Variants in LINGO2 observed in about 807,000 individuals in gnomAD.
LINGO2 encodes leucine-rich repeat and immunoglobulin-like domain-containing nogo receptor-interacting protein 2.
A neutral mutation model predicts 30.6 loss-of-function variants in LINGO2; 14 were observed. The ratio of observed to expected loss-of-function variants is 0.46; its 90% CI spans 0.30 to 0.72. The LOEUF is 0.72. Among genes scored for constraint, LINGO2 ranks in the 30% least tolerant of loss-of-function variants. The probability of loss-of-function intolerance (pLI) is 0.07; values close to 1 mark genes in which losing one functional copy is unlikely to be tolerated. For missense variants in LINGO2, 729 were observed against 751.7 expected, an observed-to-expected ratio of 0.97 and a Z score of 0.35; for synonymous variants, 317 against 288.5, an observed-to-expected ratio of 1.10 and a Z score of -1.00.
chr9:29,030,708 G>T, the LINGO2 span, among the ~76,000 whole-genome samples: 1 of 152,106 alleles, frequency 6.6e-6, no homozygotes, highest in Non-Finnish European at 1.5e-5. Flanking sequence ...ACTCAGAGAA[G>T]TATCTACAGG....
the LINGO2 span, among the ~76,000 whole-genome samples, chr9:28,745,784 C>T: frequency 6.6e-6 from 1 of 151,900 alleles, no homozygotes; most frequent in Non-Finnish European, 1.5e-5. Context: ...GAGAATATGG[C>T]TTCAAATACA....
intron 4 of LINGO2, among the ~76,000 whole-genome samples, chr9:28,159,029 C>CA (rs1828214083): frequency 6.6e-6 from 1 of 152,112 alleles, no homozygotes; most frequent in Non-Finnish European, 1.5e-5. Context: ...GACCTGTATA[C>CA]AAAAAGGCTA....
the LINGO2 span, among the ~76,000 whole-genome samples, chr9:29,147,264 A>G: frequency 2.6e-5 from 4 of 152,178 alleles, no homozygotes; most frequent in Admixed American, 6.5e-5. Context: ...AGACCTTTGG[A>G]TATAATAAAT....
At chr9:28,059,251 T>G (rs560333055) in intron 4 of LINGO2, among the ~76,000 whole-genome samples, 2 of 152,140 alleles carry the variant, frequency 1.3e-5, no homozygotes, top group Non-Finnish European at 2.9e-5. Flanking sequence ...TGCCTACCCT[T>G]TTGACCTCCA....
At chr9:28,066,774 T>C (rs1261189360) in intron 4 of LINGO2, among the ~76,000 whole-genome samples, 2 of 152,090 alleles carry the variant, frequency 1.3e-5, no homozygotes, top group African/African-American at 4.8e-5. Context: ...TTGCTTTAAA[T>C]TCCTGGGAGA....
rs114514506 is a variant in LINGO2, at chr9:28,507,328, C to T, written c.-364-31303G>A. On this transcript the variant is annotated intron_variant, in intron 1 of 5. Transcript: ENST00000379992. The stretch of plus-strand genomic sequence containing the variant: ...TTATATCCTTCAAGAGAAAAAGATA[C>T]TTTGCTCAGTCTTTTGTTAGAACCA... Among the ~76,000 whole-genome samples the T allele has an allele frequency of 2.3e-3, 353 of 152,116 alleles. 3 individuals carry two copies. Among genetic ancestry groups the T allele is most frequent in the African/African-American group, 7.5e-3 (312 of 41,514 alleles).
chr9:28,177,752 C>T (rs895734355), intron 4 of LINGO2, among the ~76,000 whole-genome samples: 18 of 152,186 alleles, frequency 1.2e-4, no homozygotes, highest in African/African-American at 4.3e-4. Flanking sequence ...TCTTGCTGGC[C>T]ATTTCCTCTC....
intron 5 of LINGO2, among the ~76,000 whole-genome samples, chr9:27,955,568 T>C (rs1374132002): frequency 6.6e-6 from 1 of 152,204 alleles, no homozygotes; most frequent in Non-Finnish European, 1.5e-5. Context: ...ATATAATATA[T>C]ACTCTTATGT....
At chr9:28,513,845 T>C (rs1820513937) in intron 1 of LINGO2, among the ~76,000 whole-genome samples, 1 of 152,220 alleles carries the variant, frequency 6.6e-6, no homozygotes, top group East Asian at 1.9e-4. Context: ...TATAGTAAAA[T>C]TGATAGAGGT....
At chr9:28,322,057 T>G (rs1472281142) in intron 3 of LINGO2, among the ~76,000 whole-genome samples, 7 of 152,220 alleles carry the variant, frequency 4.6e-5, no homozygotes, top group Admixed American at 4.6e-4. Flanking sequence ...TTACCTCAGC[T>G]TACTAAGCTT....
chr9:28,635,337 G>C (rs1199801783), intron 1 of LINGO2, among the ~76,000 whole-genome samples: 1 of 152,140 alleles, frequency 6.6e-6, no homozygotes, highest in Non-Finnish European at 1.5e-5. Context: ...GTGATATTAA[G>C]AAGTTGCCCT....
the LINGO2 span, among the ~76,000 whole-genome samples, chr9:29,151,304 A>C: frequency 6.6e-6 from 1 of 152,146 alleles, no homozygotes; most frequent in Admixed American, 6.5e-5. Context: ...CACAAAACAC[A>C]CTTAAGCACA....
At chr9:28,784,821 G>A in the LINGO2 span, among the ~76,000 whole-genome samples, 8 of 151,948 alleles carry the variant, frequency 5.3e-5, no homozygotes, top group Admixed American at 1.3e-4. Context: ...GCGTGGTGGC[G>A]TGCACCTGTA....
At chr9:28,287,512 T>C (rs1823558344) in intron 4 of LINGO2, among the ~76,000 whole-genome samples, 1 of 152,250 alleles carries the variant, frequency 6.6e-6, no homozygotes, top group Admixed American at 6.5e-5. Context: ...TTCAGCAGAA[T>C]TACTTAATTA....
chr9:28,863,701 A>G, the LINGO2 span: 12 of 527,548 alleles, frequency 2.3e-5, no homozygotes, highest in South Asian at 1.7e-4. Flanking sequence ...AATCCACAGC[A>G]CTTCACAGTT....
intron 1 of LINGO2, among the ~76,000 whole-genome samples, chr9:28,661,230 T>A (rs1007091992): frequency 6.6e-6 from 1 of 152,194 alleles, no homozygotes; most frequent in African/African-American, 2.4e-5. Context: ...AATCCTGCTA[T>A]CCATTCTGTG....
chr9:27,960,513 C>A (rs1819787164), intron 5 of LINGO2, among the ~76,000 whole-genome samples: 1 of 152,072 alleles, frequency 6.6e-6, no homozygotes, highest in Admixed American at 6.6e-5. Flanking sequence ...TGCTGTTTTC[C>A]TTAAGCTGTG....
At chr9:28,435,185 A>G (rs1823873887) in intron 2 of LINGO2, among the ~76,000 whole-genome samples, 1 of 152,160 alleles carries the variant, frequency 6.6e-6, no homozygotes, top group Admixed American at 6.5e-5. Flanking sequence ...CCAGATTCAA[A>G]CAACTACAGA....
chr9:28,474,464 A>C (rs1366579035), intron 2 of LINGO2, among the ~76,000 whole-genome samples: 4 of 152,098 alleles, frequency 2.6e-5, no homozygotes, highest in Non-Finnish European at 5.9e-5. Context: ...AATTTTTAGA[A>C]GTCTAGATGT....
Sources: allele counts gnomAD v4.1 joint callset (sites outside exome capture counted in the v4.1 genomes callset), GRCh38; gene constraint gnomAD v4.1.1; transcripts MANE v1.5; gene names NCBI Gene and HGNC (gene_info 2026-07-23, HGNC 2026-07-21).